The following SLC24A4 variants were observed in gnomAD, a reference collection of about 807,000 sequenced individuals.
SLC24A4 encodes the protein sodium/potassium/calcium exchanger 4.
A neutral mutation model predicts 79.0 loss-of-function variants in SLC24A4; 53 were observed. The observed-to-expected ratio is 0.67, with a 90% CI of 0.54 to 0.84. SLC24A4 has a LOEUF of 0.84. Ranked by LOEUF, SLC24A4 falls within the 40% of genes least tolerant of loss-of-function variation. The pLI is 0.00. For synonymous variants in SLC24A4, 323 were observed against 323.8 expected, an observed-to-expected ratio of 1.00 and a Z score of 0.03; for missense variants, 731 against 822.0, an observed-to-expected ratio of 0.89 and a Z score of 1.35.
chr14:92,375,873 A>G (rs1888471620), intron 2 of SLC24A4, among the ~76,000 whole-genome samples: 1 of 152,128 alleles, frequency 6.6e-6, no homozygotes. Flanking sequence ...TGATGAGGAA[A>G]ATATTTGCAA....
At chr14:92,436,637 A>G (rs977075964) in intron 3 of SLC24A4, among the ~76,000 whole-genome samples, 2 of 152,118 alleles carry the variant, frequency 1.3e-5, no homozygotes, top group African/African-American at 2.4e-5. Flanking sequence ...ATGAATGCTG[A>G]CCTCTTCTTT....
At chr14:92,447,341 T>G (rs1892856935) in intron 8 of SLC24A4, 30 bp from the exon 9 acceptor site, 3 of 1,612,774 alleles carry the variant, frequency 1.9e-6, no homozygotes, top group Non-Finnish European at 2.5e-6. Context: ...GGCCCCGAGC[T>G]CTAACCGCAA....
chr14:92,439,999 C>A (rs189087179), intron 4 of SLC24A4, among the ~76,000 whole-genome samples: 2 of 152,358 alleles, frequency 1.3e-5, no homozygotes, highest in Admixed American at 6.5e-5. Flanking sequence ...GTTTGCAGCA[C>A]CTCCTGTGTG....
intron 12 of SLC24A4, among the ~76,000 whole-genome samples, chr14:92,462,912 A>C (rs1356080321): frequency 6.6e-6 from 1 of 152,176 alleles, no homozygotes; most frequent in Non-Finnish European, 1.5e-5. Flanking sequence ...ACTACCACCC[A>C]ACCAAAGGAC....
At chr14:92,486,918 A>G (rs1895397967) in intron 14 of SLC24A4, 138 bp downstream of exon 14, 2 of 598,722 alleles carry the variant, frequency 3.3e-6, no homozygotes, top group Non-Finnish European at 3.0e-6. Flanking sequence ...AAACTGCGAC[A>G]TCTAGAAAGC....
chr14:92,403,389 C>T (rs11621400), intron 2 of SLC24A4, among the ~76,000 whole-genome samples: 45,448 of 151,252 alleles, frequency 0.3, 7,096 homozygotes, highest in Non-Finnish European at 0.33. Context: ...GGGTGGATCA[C>T]GAGGTCAGAA....
At chr14:92,330,285 A>T (rs558934895) in intron 2 of SLC24A4, among the ~76,000 whole-genome samples, 40 of 152,342 alleles carry the variant, frequency 2.6e-4, no homozygotes, top group Non-Finnish European at 5.0e-4. Context: ...CAAAAATTTG[A>T]ATGTTAACAC....
chr14:92,380,983 G>A (rs1566727761), intron 2 of SLC24A4, among the ~76,000 whole-genome samples: 1 of 152,254 alleles, frequency 6.6e-6, no homozygotes. Context: ...GGGAGGGTGT[G>A]CACATAGTGA....
At chr14:92,407,515 G>T (rs930258333) in intron 2 of SLC24A4, among the ~76,000 whole-genome samples, 4 of 152,170 alleles carry the variant, frequency 2.6e-5, no homozygotes, top group Non-Finnish European at 4.4e-5. Flanking sequence ...ATGAAGAAAA[G>T]AGATTTAATT....
At chr14:92,358,173 G>A (rs1000722669) in intron 2 of SLC24A4, among the ~76,000 whole-genome samples, 26 of 152,156 alleles carry the variant, frequency 1.7e-4, no homozygotes, top group Non-Finnish European at 1.5e-4. Context: ...GACACAAAGT[G>A]GAAATACCGT....
chr14:92,416,502 A>C (rs1322329636), intron 2 of SLC24A4, among the ~76,000 whole-genome samples: 2 of 152,144 alleles, frequency 1.3e-5, no homozygotes, highest in Non-Finnish European at 2.9e-5. Context: ...TCCAGTGCAC[A>C]TTGTCAGATT....
chr14:92,418,770 C>G (rs533541390), intron 2 of SLC24A4, among the ~76,000 whole-genome samples: 2 of 152,164 alleles, frequency 1.3e-5, no homozygotes, highest in Admixed American at 6.5e-5. Context: ...GGCGTGATCT[C>G]GGCTCACTGC....
intron 2 of SLC24A4, among the ~76,000 whole-genome samples, chr14:92,402,202 C>T (rs1000833237): frequency 1.3e-5 from 2 of 152,108 alleles, no homozygotes; most frequent in South Asian, 2.1e-4. Context: ...ACTTGGTTCC[C>T]GTGGCTTCTA....
At chr14:92,405,501 G>A (rs1418749419) in intron 2 of SLC24A4, among the ~76,000 whole-genome samples, 3 of 152,160 alleles carry the variant, frequency 2.0e-5, no homozygotes, top group Non-Finnish European at 4.4e-5. Flanking sequence ...TTCTCACACT[G>A]CTATAATGAA....
intron 2 of SLC24A4, among the ~76,000 whole-genome samples, chr14:92,421,471 A>G (rs975270175): frequency 6.6e-6 from 1 of 151,682 alleles, no homozygotes; most frequent in Non-Finnish European, 1.5e-5. Flanking sequence ...TACCATTGGT[A>G]CTCTTCTGTG....
At chr14:92,372,433 C>T (rs1395000055) in intron 2 of SLC24A4, among the ~76,000 whole-genome samples, 1 of 152,092 alleles carries the variant, frequency 6.6e-6, no homozygotes, top group Non-Finnish European at 1.5e-5. Context: ...GAGGAGCATG[C>T]ATGAGTGGTC....
chr14:92,425,797 T>C (rs1278202660), intron 2 of SLC24A4, among the ~76,000 whole-genome samples: 1 of 151,992 alleles, frequency 6.6e-6, no homozygotes, highest in Non-Finnish European at 1.5e-5. Flanking sequence ...TTGGGAAACA[T>C]AGTGATACCC....
chr14:92,498,962 G>C lies in SLC24A4; in HGVS notation c.*5334G>C, dbSNP rs1264741767. Reference sequence around the variant, plus strand: ...GGAAATGGGTGCCCACCTGGAATCAGGAGAAGAGGCTTTTCCCTCCTGTTC... The same window carrying C: ...GGAAATGGGTGCCCACCTGGAATCACGAGAAGAGGCTTTTCCCTCCTGTTC... On this transcript the variant is annotated 3_prime_UTR_variant, in exon 17 of 17. Transcript: ENST00000532405. The C allele has an allele frequency of 6.6e-6, 1 of 152,272 alleles. No individual in the cohort carries two copies. Among genetic ancestry groups the C allele is most frequent in the Non-Finnish European group, 1.5e-5 (1 of 68,060 alleles). The allele number at this position is 152,272 out of a possible 1,614,324, so 9.4% of individuals were successfully genotyped here. A position where few individuals can be genotyped will look rare whatever the true frequency, so the allele number is the denominator to read the frequency against.
At chr14:92,392,175 GTCTGGGGTAAGGCAGGACT>G (rs1300387283) in intron 2 of SLC24A4, among the ~76,000 whole-genome samples, 2 of 151,396 alleles carry the variant, frequency 1.3e-5, no homozygotes, top group Non-Finnish European at 2.9e-5. Flanking sequence ...GACTATAGGT[GTCTGGGGTAAGGCAGGACT>G]TCTGGATTTA....
Sources: gnomAD v4.1 joint callset for allele counts (sites outside exome capture counted in the v4.1 genomes callset) on GRCh38, gnomAD v4.1.1 for gene constraint, MANE v1.5 for transcripts, NCBI Gene and HGNC (gene_info 2026-07-23, HGNC 2026-07-21) for gene names.